The following CPA6 variants were observed in gnomAD, a reference collection of about 807,000 sequenced individuals.
The protein encoded by CPA6 is carboxypeptidase B.
A neutral mutation model predicts 63.3 loss-of-function variants in CPA6; 58 were observed. The observed-to-expected ratio is 0.92, with a 90% confidence interval of 0.74 to 1.14. The LOEUF (loss-of-function observed/expected upper bound fraction) is 1.14, where lower values mean the gene tolerates loss of function less well. Among genes scored for constraint, CPA6 ranks in the 50% most tolerant of loss-of-function variants. The probability of loss-of-function intolerance (pLI) is 0.00; values close to 1 mark genes in which losing one functional copy is unlikely to be tolerated. For synonymous variants in CPA6, 185 were observed against 179.0 expected, an observed-to-expected ratio of 1.03 and a Z score of -0.27; for missense variants, 565 against 526.6, an observed-to-expected ratio of 1.07 and a Z score of -0.71.
chr8:67,513,013 A>G (rs888767427), intron 3 of CPA6, among the ~76,000 whole-genome samples: 4 of 152,148 alleles, frequency 2.6e-5, no homozygotes, highest in African/African-American at 9.7e-5. Flanking sequence ...CAAAACACTT[A>G]ATCAGGAATT....
intron 8 of CPA6, among the ~76,000 whole-genome samples, chr8:67,439,753 T>C (rs1160500054): frequency 6.6e-6 from 1 of 152,182 alleles, no homozygotes; most frequent in Non-Finnish European, 1.5e-5. Context: ...TTTTATTTTA[T>C]TTATTTATTT....
chr8:67,734,628 T>A (rs1365360607), intron 1 of CPA6, among the ~76,000 whole-genome samples: 1 of 152,224 alleles, frequency 6.6e-6, no homozygotes, highest in African/African-American at 2.4e-5. Flanking sequence ...AGCAAATTTC[T>A]AACTGCTGCA....
intron 2 of CPA6, among the ~76,000 whole-genome samples, chr8:67,536,241 C>T (rs533322176): frequency 7.2e-5 from 11 of 152,148 alleles, no homozygotes; most frequent in South Asian, 4.2e-4. Flanking sequence ...AGAAAGTCAA[C>T]GGTAGCTTGA....
intron 1 of CPA6, among the ~76,000 whole-genome samples, chr8:67,645,565 G>A (rs117859707): frequency 0.015 from 2,221 of 152,308 alleles, 29 homozygotes; most frequent in Non-Finnish European, 0.024. Context: ...CAGAAAGTAA[G>A]TGATTGGGCT....
At chr8:67,532,112 T>C (rs1812489579) in intron 2 of CPA6, among the ~76,000 whole-genome samples, 1 of 150,480 alleles carries the variant, frequency 6.6e-6, no homozygotes, top group Non-Finnish European at 1.5e-5. Flanking sequence ...TACAAAAAAG[T>C]AAAAAAAATA....
At chr8:67,552,099 A>C (rs1297168620) in intron 2 of CPA6, among the ~76,000 whole-genome samples, 1 of 152,218 alleles carries the variant, frequency 6.6e-6, no homozygotes, top group Non-Finnish European at 1.5e-5. Context: ...CTTTCTTCCA[A>C]ATCCTTCCAA....
intron 9 of CPA6, among the ~76,000 whole-genome samples, chr8:67,431,064 A>C (rs1355156367): frequency 1.3e-5 from 2 of 151,898 alleles, no homozygotes; most frequent in Admixed American, 1.3e-4. Context: ...AGGTCCCACT[A>C]TATTACCTAG....
chr8:67,629,933 T>A (rs1815284223), intron 1 of CPA6, among the ~76,000 whole-genome samples: 1 of 151,866 alleles, frequency 6.6e-6, no homozygotes, highest in African/African-American at 2.4e-5. Flanking sequence ...AGTGAAACTC[T>A]GTCTCTACTA....
At chr8:67,593,147 G>A (rs1436654753) in intron 2 of CPA6, among the ~76,000 whole-genome samples, 1 of 150,772 alleles carries the variant, frequency 6.6e-6, no homozygotes. Flanking sequence ...TATGTACCCA[G>A]TAGTCATTCA....
At position 67,587,859 on chromosome 8, in the gene CPA6, G is replaced by A. The variant is rs117441416; in HGVS notation, c.192+36317C>T. On this transcript the variant is annotated intron_variant, in intron 2 of 10. Transcript: ENST00000297770. ...GCGATTGAAGCTGTGGGAAGACTGA[G>A]TTGATAATACTAGTGTGGCTCCTCA... 6.0e-3 allele frequency among the ~76,000 whole-genome samples: 912 copies of A among 152,312 alleles called. 32 individuals are homozygous for A. Among genetic ancestry groups the A allele is most frequent in the Admixed American group, 0.044 (674 of 15,294 alleles).
At chr8:67,531,614 T>C (rs543109210) in intron 2 of CPA6, among the ~76,000 whole-genome samples, 2 of 152,218 alleles carry the variant, frequency 1.3e-5, no homozygotes, top group African/African-American at 4.8e-5. Context: ...ACCACTCAAT[T>C]TACCAGGAAG....
intron 1 of CPA6, among the ~76,000 whole-genome samples, chr8:67,646,399 CA>C: frequency 6.6e-6 from 1 of 152,216 alleles, no homozygotes; most frequent in Non-Finnish European, 1.5e-5. Context: ...CACTGCTAGA[CA>C]TTCACTTTTG....
At chr8:67,579,463 A>T (rs1813710819) in intron 2 of CPA6, among the ~76,000 whole-genome samples, 1 of 152,236 alleles carries the variant, frequency 6.6e-6, no homozygotes, top group African/African-American at 2.4e-5. Context: ...TTTAAAGTGA[A>T]ATCCCCCGAC....
chr8:67,477,568 A>G (rs1327713549), intron 8 of CPA6, among the ~76,000 whole-genome samples: 1 of 152,196 alleles, frequency 6.6e-6, no homozygotes, highest in African/African-American at 2.4e-5. Context: ...TCTTTGCAAT[A>G]TAGAAGGGGC....
intron 8 of CPA6, among the ~76,000 whole-genome samples, chr8:67,448,664 G>GAAAAAAAAAAAAAAAAAAAAAAAAAA (rs1810487222): frequency 1.5e-5 from 1 of 66,468 alleles, no homozygotes; most frequent in African/African-American, 8.4e-5. Flanking sequence ...AGGAAAGAAC[G>GAAAAAAAAAAAAAAAAAAAAAAAAAA]AAAAAGAAAA....
At chr8:67,722,126 C>G (rs1300829813) in intron 1 of CPA6, among the ~76,000 whole-genome samples, 5 of 152,218 alleles carry the variant, frequency 3.3e-5, no homozygotes. Flanking sequence ...GTTTCGGGAA[C>G]TGCCTGATTT....
intron 2 of CPA6, among the ~76,000 whole-genome samples, chr8:67,557,703 G>C (rs1308379347): frequency 6.6e-6 from 1 of 152,160 alleles, no homozygotes; most frequent in East Asian, 1.9e-4. Context: ...GGCTCCATAG[G>C]AGTCTTCCTG....
intron 8 of CPA6, among the ~76,000 whole-genome samples, chr8:67,480,998 C>T (rs1200978914): frequency 6.6e-6 from 1 of 152,076 alleles, no homozygotes; most frequent in Admixed American, 6.5e-5. Flanking sequence ...ATCATTTGTG[C>T]ACTTTTAAAT....
chr8:67,502,001 C>G (rs377671318), intron 6 of CPA6, among the ~76,000 whole-genome samples: 1 of 152,170 alleles, frequency 6.6e-6, no homozygotes, highest in African/African-American at 2.4e-5. Context: ...TTCATTTTGT[C>G]TACGTTGTCA....
Sources: allele counts gnomAD v4.1 joint callset (sites outside exome capture counted in the v4.1 genomes callset), GRCh38; gene constraint gnomAD v4.1.1; transcripts MANE v1.5; gene names NCBI Gene and HGNC (gene_info 2026-07-23, HGNC 2026-07-21).